DNAH5: variants seen among roughly 807,000 people sequenced by gnomAD.
DNAH5 encodes axonemal beta dynein heavy chain 5.
In DNAH5, 372 loss-of-function variants were observed where a neutral mutation model predicts 518.2. That is an observed-to-expected ratio of 0.72 (90% CI 0.66 to 0.78). The LOEUF is 0.78. Ranked by LOEUF, DNAH5 falls within the 30% of genes least tolerant of loss-of-function variation. DNAH5 has a pLI of 0.00. For missense variants in DNAH5, 5,523 were observed against 5,687.0 expected, an observed-to-expected ratio of 0.97 and a Z score of 0.93; for synonymous variants, 2,039 against 2,025.9, an observed-to-expected ratio of 1.01 and a Z score of -0.17.
At chr5:13,840,381 C>T (rs1458109762) in intron 34 of DNAH5, among the ~76,000 whole-genome samples, 4 of 152,028 alleles carry the variant, frequency 2.6e-5, no homozygotes, top group African/African-American at 9.7e-5. Flanking sequence ...CTCTCTTTTC[C>T]CACCTTGTTC....
At position 13,791,998 on chromosome 5, in the gene DNAH5, G is replaced by C; in HGVS notation, c.8444C>G (p.Pro2815Arg). Reference protein sequence around the residue: ...LNTTSEVIKEPNDLLKLWKHE... With the variant: ...LNTTSEVIKERNDLLKLWKHE... ...TCTTTCTTCAGTGTCACTTACATTT[G>C]GTTCCTTGATGACCTCTGAAGTAGT... Residue 2815 changes from proline to arginine, a missense_variant, in exon 50 of 79, where the codon CCA (proline) becomes CGA (arginine). By Grantham distance (103) the Pro-to-Arg change is moderately radical. Coordinates refer to ENST00000265104, the MANE Select transcript of DNAH5 (RefSeq NM_001369.3). 6.2e-7 allele frequency: 1 copy of C among 1,611,928 alleles called. No individual in the cohort carries two copies. Among genetic ancestry groups the C allele is most frequent in the Non-Finnish European group, 8.5e-7 (1 of 1,178,278 alleles).
intron 31 of DNAH5, among the ~76,000 whole-genome samples, chr5:13,847,569 C>CAA (rs34670438): frequency 5.9e-5 from 9 of 151,562 alleles, no homozygotes; most frequent in Non-Finnish European, 8.8e-5. Flanking sequence ...AAAAAAATGC[C>CAA]AAAAAATAGC....
At chr5:13,914,035 G>A in intron 10 of DNAH5, 77 bp from the exon 11 acceptor site, 1 of 1,516,978 alleles carries the variant, frequency 6.6e-7, no homozygotes, top group Non-Finnish European at 8.9e-7. Flanking sequence ...GAAGGCGACA[G>A]CAAAATTAGG....
intron 21 of DNAH5, 117 bp downstream of exon 21, chr5:13,882,611 T>C (rs1226404373): frequency 1.2e-5 from 10 of 843,400 alleles, no homozygotes; most frequent in African/African-American, 6.8e-5. Context: ...AATTGGCTCA[T>C]AGATTAATAT....
chr5:13,827,088 G>C (rs993434517), intron 38 of DNAH5, among the ~76,000 whole-genome samples: 3 of 152,162 alleles, frequency 2.0e-5, no homozygotes, highest in African/African-American at 7.2e-5. Flanking sequence ...TTTTGCCCCT[G>C]TCCCAGACAT....
At chr5:13,839,008 A>G (rs1163797485) in intron 35 of DNAH5, among the ~76,000 whole-genome samples, 1 of 151,964 alleles carries the variant, frequency 6.6e-6, no homozygotes, top group East Asian at 1.9e-4. Context: ...GAAAATCTTA[A>G]TTGTCTCCCA....
intron 1 of DNAH5, among the ~76,000 whole-genome samples, chr5:14,004,833 G>C (rs1160152321): frequency 6.6e-6 from 1 of 151,600 alleles, no homozygotes; most frequent in Non-Finnish European, 1.5e-5. Context: ...GGTTTAAACT[G>C]TGAAATGATG....
In DNAH5 at chr5:13,727,654, T is replaced by C; in HGVS notation, c.11886A>G (p.Ile3962Met). The part of the protein sequence containing the change: ...LRQFSDVLDQ[I>M]SRNEKMWKIW... ...TTTTCCACATTTTCTCATTTCTCGA[T>C]ATCTGAAAATACCATGGGATAAAAA... The change falls in exon 70 of 79, where the codon ATA (isoleucine) becomes ATG (methionine). Residue 3962 changes from isoleucine to methionine, a missense_variant and splice_region_variant. Around this residue, in one of 3 missense-constraint regions of DNAH5, gnomAD observed 5,121 missense variants for 5,223.3 expected, o/e 0.98. Coordinates refer to ENST00000265104, the MANE Select transcript of DNAH5 (RefSeq NM_001369.3). The C allele has an allele frequency of 1.9e-6, 3 of 1,613,730 alleles. No individual in the cohort carries two copies. Among genetic ancestry groups the C allele is most frequent in the Non-Finnish European group, 2.5e-6 (3 of 1,179,698 alleles).
At chr5:13,981,093 T>C (rs1416365832) in intron 1 of DNAH5, among the ~76,000 whole-genome samples, 1 of 152,230 alleles carries the variant, frequency 6.6e-6, no homozygotes, top group Non-Finnish European at 1.5e-5. Flanking sequence ...CACTTATTTT[T>C]GCCCACAGCC....
intron 38 of DNAH5, among the ~76,000 whole-genome samples, chr5:13,825,959 A>T (rs1367423365): frequency 6.6e-6 from 1 of 152,248 alleles, no homozygotes; most frequent in African/African-American, 2.4e-5. Context: ...GTCATTTGGA[A>T]GATGGAGCAC....
chr5:13,799,957 A>G (rs1758476703), intron 47 of DNAH5, among the ~76,000 whole-genome samples: 2 of 152,270 alleles, frequency 1.3e-5, no homozygotes, highest in African/African-American at 4.8e-5. Context: ...TAAATATTTC[A>G]TATTTATACA....
At position 13,865,318 on chromosome 5, in the gene DNAH5, G is replaced by C. The variant is rs558538199; in HGVS notation, c.4355+350C>G. On this transcript the variant is annotated intron_variant, in intron 27 of 78. Transcript: ENST00000265104. ...AGCTCTCCATTTTCTTTAAATTCAA[G>C]AGCTACAACAATACAGAAAAATCAT... Among the ~76,000 whole-genome samples the C allele has an allele frequency of 4.6e-5, 7 of 152,152 alleles. No homozygotes were observed. The South Asian group carries it at 1.5e-3, about 32-fold the overall frequency.
At chr5:13,917,078 T>C in intron 8 of DNAH5, 65 bp downstream of exon 8, 1 of 1,242,336 alleles carries the variant, frequency 8.0e-7, no homozygotes, top group Non-Finnish European at 1.2e-6. Context: ...CAAAATTCAA[T>C]ATTCAATTCA....
Position 13,793,675 on chromosome 5 carries a change from T to C in DNAH5, c.8064A>G (p.Leu2688=), listed in dbSNP as rs754511938. 3.8e-5 allele frequency: 62 copies of C among 1,614,188 alleles called. No homozygotes were observed. Among genetic ancestry groups the C allele is most frequent in the South Asian group, 2.4e-4 (22 of 91,074 alleles). The change falls in exon 49 of 79, where the codon CTA becomes CTG. Residue 2688 remains leucine (L), a synonymous_variant. Coordinates refer to ENST00000265104, the MANE Select transcript of DNAH5 (RefSeq NM_001369.3). The part of the protein sequence containing the change: ...QLMEQNGFYN[L]EKPGEFTSIV... Reference sequence around the variant, plus strand: ...TGCTGGTGAACTCCCCAGGCTTCTCTAGATTATAGAATCCATTTTGTTCCA... The same window carrying C: ...TGCTGGTGAACTCCCCAGGCTTCTCCAGATTATAGAATCCATTTTGTTCCA...
intron 55 of DNAH5, among the ~76,000 whole-genome samples, chr5:13,775,608 C>G (rs1311811104): frequency 6.6e-6 from 1 of 152,098 alleles, no homozygotes; most frequent in Non-Finnish European, 1.5e-5. Context: ...TATGGCAACC[C>G]TCAACTTCAT....
chr5:13,709,577 C>A (rs1361255056), intron 75 of DNAH5, among the ~76,000 whole-genome samples: 1 of 152,148 alleles, frequency 6.6e-6, no homozygotes, highest in Non-Finnish European at 1.5e-5. Context: ...CTCGGATGGG[C>A]AGAGCAGTGT....
intron 76 of DNAH5, among the ~76,000 whole-genome samples, chr5:13,706,763 G>C (rs1742842310): frequency 6.6e-6 from 1 of 152,128 alleles, no homozygotes. Flanking sequence ...TCTGTCTTTA[G>C]CACAATTACT....
chr5:13,828,600 G>C (rs996338020), intron 38 of DNAH5, among the ~76,000 whole-genome samples: 2 of 152,170 alleles, frequency 1.3e-5, no homozygotes, highest in Admixed American at 6.5e-5. Flanking sequence ...TGTAGCACTC[G>C]TTTTGCTGAA....
At chr5:13,723,355 C>T (rs1011152132) in intron 70 of DNAH5, among the ~76,000 whole-genome samples, 18 of 152,220 alleles carry the variant, frequency 1.2e-4, no homozygotes, top group Non-Finnish European at 1.8e-4. Context: ...AGGCATTCCA[C>T]AGTTGCAGCT....
Sources: gnomAD v4.1 joint callset for allele counts (sites outside exome capture counted in the v4.1 genomes callset) on GRCh38, gnomAD v4.1.1 for gene constraint, gnomAD v4.1.1 regional missense constraint, MANE v1.5 for transcripts, NCBI Gene and HGNC (gene_info 2026-07-23, HGNC 2026-07-21) for gene names.